The following INSL6 variants were observed in gnomAD, a reference collection of about 807,000 sequenced individuals.
The protein encoded by INSL6 is insulin-like peptide INSL6.
In INSL6, 16 loss-of-function variants were observed where a neutral mutation model predicts 9.4. The observed-to-expected ratio is 1.70, with a 90% CI of 1.15 to 2.59. The LOEUF (loss-of-function observed/expected upper bound fraction) is 2.59. INSL6 is among the 30% of genes most tolerant of loss of function. INSL6 has a pLI of 0.00. For synonymous variants in INSL6, 154 were observed against 96.9 expected (o/e 1.59, Z -3.46); for missense variants, 391 against 257.3 (o/e 1.52, Z -3.56).
chr9:5,080,464 C>T, the INSL6 span: 1 of 1,534,968 alleles, frequency 6.5e-7, no homozygotes, highest in Non-Finnish European at 8.8e-7. Context: ...TTTAGCCCAT[C>T]TAATTTTAAA....
chr9:5,178,599 T>C (rs554558148), intron 1 of INSL6, among the ~76,000 whole-genome samples: 1 of 152,286 alleles, frequency 6.6e-6, no homozygotes, highest in South Asian at 2.1e-4. Flanking sequence ...ACTACCCAAC[T>C]TCAAACTATA....
intron 3 of INSL6, chr9:5,131,934 T>C (rs1824300397): frequency 6.6e-6 from 1 of 152,228 alleles, no homozygotes; most frequent in Admixed American, 6.5e-5. Context: ...TAAAGGCTGT[T>C]ATAAATCCTT....
At chr9:5,131,024 C>A (rs1485072535) in intron 3 of INSL6, among the ~76,000 whole-genome samples, 1 of 152,158 alleles carries the variant, frequency 6.6e-6, no homozygotes, top group Non-Finnish European at 1.5e-5. Context: ...CCACCGCGCC[C>A]AGCCCGAGTA....
the INSL6 span, chr9:5,041,739 AC>A: frequency 2.0e-6 from 1 of 491,600 alleles, no homozygotes; most frequent in Non-Finnish European, 4.0e-6. Context: ...GCCCTTGGCG[AC>A]CCCCATCAGC....
the INSL6 span, chr9:5,080,552 A>G: frequency 6.3e-7 from 1 of 1,594,184 alleles, no homozygotes; most frequent in South Asian, 1.2e-5. Context: ...TTTTATGAAG[A>G]TAGGCATCAG....
chr9:5,085,826 G>A, the INSL6 span: 2 of 760,516 alleles, frequency 2.6e-6, no homozygotes, highest in East Asian at 2.5e-5. Context: ...TTGATCGAAA[G>A]GCTTTTCCTT....
the INSL6 span, among the ~76,000 whole-genome samples, chr9:5,043,045 C>A: frequency 3.3e-5 from 5 of 152,306 alleles, no homozygotes; most frequent in African/African-American, 1.2e-4. Context: ...TGTGGAGGCG[C>A]GCGGGCTCGT....
At chr9:5,176,122 C>A (rs925181994) in intron 1 of INSL6, among the ~76,000 whole-genome samples, 3 of 152,154 alleles carry the variant, frequency 2.0e-5, no homozygotes, top group African/African-American at 7.2e-5. Context: ...TTTCTCTGCT[C>A]CAACCACATT....
chr9:4,996,132 C>A, the INSL6 span, among the ~76,000 whole-genome samples: 1 of 152,156 alleles, frequency 6.6e-6, no homozygotes, highest in Admixed American at 6.5e-5. Flanking sequence ...TTAGAGAAGA[C>A]AGAATTACAG....
the INSL6 span, among the ~76,000 whole-genome samples, chr9:5,009,641 C>A: frequency 2.0e-5 from 3 of 152,116 alleles, no homozygotes; most frequent in Non-Finnish European, 4.4e-5. Flanking sequence ...ATTCCTACAA[C>A]CCCTGCCCCA....
At position 5,126,801 on chromosome 9, in the gene INSL6, C is replaced by T. The variant is rs1390858164; in HGVS notation, c.*11-2290G>A. The stretch of plus-strand genomic sequence containing the variant: ...TAACATGGCTGGATGAAAGAAATGA[C>T]CTTCATTCTGAGACCAAAGTAGATT... On this transcript the variant is annotated intron_variant, in intron 3 of 3. Transcript: ENST00000649639. 7.1e-6 allele frequency: 11 copies of T among 1,554,554 alleles called. No individual in the cohort carries two copies. The Admixed American group carries it at 1.7e-4, about 24-fold the overall frequency.
intron 2 of INSL6, among the ~76,000 whole-genome samples, chr9:5,143,884 T>G (rs896310994): frequency 6.6e-6 from 1 of 151,944 alleles, no homozygotes; most frequent in African/African-American, 2.4e-5. Context: ...GGTCTCGAAC[T>G]CCTGACCTCA....
At chr9:5,007,127 G>C in the INSL6 span, among the ~76,000 whole-genome samples, 1 of 151,452 alleles carries the variant, frequency 6.6e-6, no homozygotes, top group African/African-American at 2.4e-5. Flanking sequence ...TCTGATTTCT[G>C]CTCTTAAGTA....
At chr9:5,049,305 C>T in the INSL6 span, among the ~76,000 whole-genome samples, 3,630 of 152,298 alleles carry the variant, frequency 0.024, 82 homozygotes, top group Non-Finnish European at 0.039. Context: ...AGGGTACCTG[C>T]AGTCGGACCC....
the INSL6 span, among the ~76,000 whole-genome samples, chr9:5,026,684 G>T: frequency 1.3e-5 from 2 of 152,254 alleles, no homozygotes; most frequent in South Asian, 4.1e-4. Flanking sequence ...CTTGTTTTGA[G>T]TTCACGTGAT....
intron 1 of INSL6, among the ~76,000 whole-genome samples, chr9:5,178,088 T>C (rs1825354056): frequency 6.6e-6 from 1 of 152,178 alleles, no homozygotes; most frequent in African/African-American, 2.4e-5. Flanking sequence ...TTGCCCAAGC[T>C]GGTCTTGAAC....
the INSL6 span, among the ~76,000 whole-genome samples, chr9:4,995,956 G>A: frequency 6.6e-6 from 1 of 151,934 alleles, no homozygotes; most frequent in East Asian, 1.9e-4. Flanking sequence ...GCCTCAAATT[G>A]TTAAAAATTC....
the INSL6 span, among the ~76,000 whole-genome samples, chr9:5,042,124 C>CTTTTTTT: frequency 6.9e-4 from 74 of 107,612 alleles, 1 homozygote; most frequent in African/African-American, 2.6e-3. Context: ...GCCAAAATTT[C>CTTTTTTT]TTTTTTTTTT....
chr9:5,043,830 T>G, the INSL6 span, among the ~76,000 whole-genome samples: 609 of 152,302 alleles, frequency 4.0e-3, 4 homozygotes, highest in African/African-American at 0.014. Flanking sequence ...TTATGCTGAG[T>G]GAAAGAAGGC....
Sources: allele counts gnomAD v4.1 joint callset (sites outside exome capture counted in the v4.1 genomes callset), GRCh38; gene constraint gnomAD v4.1.1; transcripts MANE v1.5; gene names NCBI Gene and HGNC (gene_info 2026-07-23, HGNC 2026-07-21).